PCDH11X: variants seen among roughly 807,000 people sequenced by gnomAD.
PCDH11X encodes protocadherin 11 X-linked.
Under a neutral mutation model 53.3 loss-of-function variants are expected in PCDH11X, and 18 were observed. The observed-to-expected ratio is 0.34, with a 90% CI of 0.23 to 0.50. The LOEUF (loss-of-function observed/expected upper bound fraction) is 0.50. Among genes scored for constraint, PCDH11X ranks in the 20% least tolerant of loss-of-function variants. The probability of loss-of-function intolerance (pLI) is 0.98; values close to 1 mark genes in which losing one functional copy is unlikely to be tolerated. For synonymous variants in PCDH11X, 279 were observed against 393.3 expected (o/e 0.71, Z 3.44); for missense variants, 570 against 1,032.4 (o/e 0.55, Z 6.14).
chrX:92,298,577 T>C lies in PCDH11X; in HGVS notation c.3144+35434T>C, dbSNP rs765989059. Among the ~76,000 whole-genome samples, 171 of 111,897 alleles carry C rather than the reference T, an allele frequency of 1.5e-3. 2 individuals are homozygous for C. Among genetic ancestry groups the C allele is most frequent in the Non-Finnish European group, 2.5e-3 (131 of 53,206 alleles). Reference sequence around the variant, plus strand: ...TTTGTTGAGAATTTTTGCATCTACTTTCATCAAGTATATTTGCATGAAGTT... The same window carrying C: ...TTTGTTGAGAATTTTTGCATCTACTCTCATCAAGTATATTTGCATGAAGTT... On this transcript the variant is annotated intron_variant, in intron 8 of 10. Coordinates refer to ENST00000682573, the MANE Select transcript of PCDH11X (RefSeq NM_032968.5).
At chrX:92,424,144 G>A (rs1429046279) in intron 9 of PCDH11X, among the ~76,000 whole-genome samples, 1 of 92,030 alleles carries the variant, frequency 1.1e-5, no homozygotes, top group East Asian at 3.2e-4. Flanking sequence ...TGTTGTCTGT[G>A]ATTTCTCTCA....
chrX:91,886,857 G>A (rs5941024), intron 6 of PCDH11X, among the ~76,000 whole-genome samples: 3,096 of 106,836 alleles, frequency 0.029, 51 homozygotes, highest in Middle Eastern at 0.049. Flanking sequence ...TGTAGTCCCA[G>A]CTACTCGGGA....
At chrX:92,555,711 T>G (rs1328583549) in intron 10 of PCDH11X, among the ~76,000 whole-genome samples, 1 of 111,223 alleles carries the variant, frequency 9.0e-6, no homozygotes, top group Non-Finnish European at 1.9e-5. Flanking sequence ...TTACCATCCC[T>G]TCTATTCAAT....
intron 6 of PCDH11X, among the ~76,000 whole-genome samples, chrX:91,944,475 A>T (rs1369316122): frequency 9.7e-6 from 1 of 103,608 alleles, no homozygotes; most frequent in Admixed American, 1.1e-4. Flanking sequence ...AAATTAAGAA[A>T]CAAAATACAT....
intron 5 of PCDH11X, among the ~76,000 whole-genome samples, chrX:91,870,776 A>T (rs1939247667): frequency 9.1e-6 from 1 of 110,132 alleles, no homozygotes; most frequent in South Asian, 3.9e-4. Context: ...TCTTACCCAA[A>T]GAGAGATGGT....
intron 10 of PCDH11X, among the ~76,000 whole-genome samples, chrX:92,561,645 T>C (rs1261440982): frequency 1.0e-4 from 11 of 109,681 alleles, no homozygotes; most frequent in Middle Eastern, 4.9e-3. Flanking sequence ...GAAGCATCAC[T>C]ACAGTATCTA....
intron 5 of PCDH11X, among the ~76,000 whole-genome samples, chrX:91,852,417 TA>T (rs1314134256): frequency 1.9e-5 from 2 of 108,089 alleles, no homozygotes; most frequent in Non-Finnish European, 3.8e-5. Flanking sequence ...TTTAATGCCC[TA>T]AAAAAATGAT....
chrX:92,052,921 A>G (rs962334283), intron 6 of PCDH11X, among the ~76,000 whole-genome samples: 2 of 111,703 alleles, frequency 1.8e-5, no homozygotes, highest in African/African-American at 6.5e-5. Flanking sequence ...AAGTCAAAAA[A>G]TAAATTTCAA....
intron 10 of PCDH11X, among the ~76,000 whole-genome samples, chrX:92,561,239 A>T (rs1170965111): frequency 9.2e-6 from 1 of 108,322 alleles, no homozygotes; most frequent in Non-Finnish European, 1.9e-5. Context: ...CAATGCTCAG[A>T]CATTAATGAA....
chrX:92,330,226 A>G (rs781058358), intron 8 of PCDH11X, among the ~76,000 whole-genome samples: 4 of 111,344 alleles, frequency 3.6e-5, no homozygotes, highest in Non-Finnish European at 7.6e-5. Context: ...TATCCAGAAA[A>G]TATAAAGTAC....
chrX:92,276,395 A>T (rs1175117440), intron 8 of PCDH11X, among the ~76,000 whole-genome samples: 4 of 109,182 alleles, frequency 3.7e-5, no homozygotes, highest in African/African-American at 1.3e-4. Flanking sequence ...GGGCTCTGGG[A>T]GTGGCTGCCA....
intron 10 of PCDH11X, among the ~76,000 whole-genome samples, chrX:92,543,087 C>T (rs1289185342): frequency 9.4e-6 from 1 of 106,646 alleles, no homozygotes; most frequent in Admixed American, 1.0e-4. Context: ...ATAAAAGGAA[C>T]TAGTGAGATT....
At chrX:91,962,492 G>T (rs185440448) in intron 6 of PCDH11X, among the ~76,000 whole-genome samples, 2,080 of 112,309 alleles carry the variant, frequency 0.019, 57 homozygotes, top group African/African-American at 0.064. Context: ...CTGTGGCTTT[G>T]CAGGGTACAG....
chrX:91,907,569 C>A (rs1023840161), intron 6 of PCDH11X, among the ~76,000 whole-genome samples: 16 of 107,689 alleles, frequency 1.5e-4, no homozygotes, highest in African/African-American at 3.7e-4. Flanking sequence ...TCAAGGACAG[C>A]CATATATACT....
intron 9 of PCDH11X, among the ~76,000 whole-genome samples, chrX:92,416,379 A>G (rs1341308179): frequency 9.0e-6 from 1 of 111,221 alleles, no homozygotes; most frequent in African/African-American, 3.3e-5. Flanking sequence ...TCCATTCTCC[A>G]TGATGTAATT....
chrX:92,541,940 C>T (rs924601260), intron 10 of PCDH11X, among the ~76,000 whole-genome samples: 2 of 110,347 alleles, frequency 1.8e-5, no homozygotes, highest in African/African-American at 6.6e-5. Context: ...CAGAGTGAGA[C>T]TCCTTCTCAA....
intron 5 of PCDH11X, among the ~76,000 whole-genome samples, chrX:91,863,801 C>A (rs1938817830): frequency 9.0e-6 from 1 of 110,991 alleles, no homozygotes; most frequent in Non-Finnish European, 1.9e-5. Context: ...TTGAGGCTTG[C>A]AAATACCATC....
intron 8 of PCDH11X, among the ~76,000 whole-genome samples, chrX:92,297,133 C>T (rs2068625100): frequency 9.4e-6 from 1 of 106,327 alleles, no homozygotes; most frequent in Admixed American, 1.0e-4. Context: ...TTTTGCTATG[C>T]AGAAGCTCTT....
intron 10 of PCDH11X, among the ~76,000 whole-genome samples, chrX:92,533,106 CT>C (rs1347930449): frequency 1.8e-5 from 2 of 111,083 alleles, no homozygotes; most frequent in Admixed American, 9.6e-5. Flanking sequence ...CAATAACAGG[CT>C]TTTTAGAACA....
Sources: gnomAD v4.1 joint callset for allele counts (sites outside exome capture counted in the v4.1 genomes callset) on GRCh38, gnomAD v4.1.1 for gene constraint, MANE v1.5 for transcripts, NCBI Gene and HGNC (gene_info 2026-07-23, HGNC 2026-07-21) for gene names.